The following BLTP1 variants were observed in gnomAD, a reference collection of about 807,000 sequenced individuals.
BLTP1 encodes bridge-like lipid transfer protein family member 1, also known as fragile site-associated protein.
chr4:122,246,627 T>G, the BLTP1 span: 1 of 1,571,982 alleles, frequency 6.4e-7, no homozygotes, highest in Non-Finnish European at 8.7e-7. Context: ...GTGCATATTT[T>G]ATGTTTAAGT....
the BLTP1 span, chr4:122,249,537 A>G: frequency 1.9e-6 from 3 of 1,613,742 alleles, no homozygotes; most frequent in Admixed American, 1.7e-5. Flanking sequence ...CCAAAGTTTT[A>G]TTTACTCTTG....
chr4:122,289,377 C>A, the BLTP1 span: 1 of 556,978 alleles, frequency 1.8e-6, no homozygotes, highest in Non-Finnish European at 2.3e-6. Flanking sequence ...TCATTTTTGT[C>A]ATGTATAATA....
chr4:122,192,134 C>T, the BLTP1 span: 1 of 1,403,218 alleles, frequency 7.1e-7, no homozygotes, highest in Non-Finnish European at 9.6e-7. Flanking sequence ...GTAAAGGTTT[C>T]CTGAGACCAA....
the BLTP1 span, chr4:122,272,426 A>C: frequency 6.3e-7 from 1 of 1,578,198 alleles, no homozygotes; most frequent in Non-Finnish European, 8.7e-7. Flanking sequence ...TTTTTCTAAT[A>C]AAGTGCTATG....
chr4:122,304,535 G>C, the BLTP1 span: 63 of 165,208 alleles, frequency 3.8e-4, 1 homozygote, highest in Non-Finnish European at 1.3e-4. Flanking sequence ...ATTAAGGCAT[G>C]TACAATGTTT....
chr4:122,177,543 G>A, the BLTP1 span, among the ~76,000 whole-genome samples: 3 of 152,042 alleles, frequency 2.0e-5, no homozygotes, highest in East Asian at 1.9e-4. Flanking sequence ...AGAATCCTAC[G>A]AACTTTCTAT....
the BLTP1 span, chr4:122,174,901 A>G: frequency 8.7e-6 from 3 of 346,308 alleles, no homozygotes; most frequent in African/African-American, 6.7e-5. Flanking sequence ...TGAGAAAGTG[A>G]ACCTTTAAAT....
chr4:122,338,395 A>G, the BLTP1 span, among the ~76,000 whole-genome samples: 8 of 152,056 alleles, frequency 5.3e-5, no homozygotes, highest in African/African-American at 1.7e-4. Flanking sequence ...ATGGCTTGAG[A>G]CTGGTAGGTT....
the BLTP1 span, among the ~76,000 whole-genome samples, chr4:122,230,722 T>G: frequency 6.6e-6 from 1 of 152,190 alleles, no homozygotes; most frequent in South Asian, 2.1e-4. Flanking sequence ...CACCTCTTAC[T>G]GAATCACTTC....
the BLTP1 span, among the ~76,000 whole-genome samples, chr4:122,297,553 C>G: frequency 4.6e-5 from 7 of 152,166 alleles, no homozygotes; most frequent in African/African-American, 1.2e-4. Context: ...AATCCCATTA[C>G]TGGGTATATA....
the BLTP1 span, chr4:122,209,350 A>G: frequency 7.5e-6 from 12 of 1,609,152 alleles, no homozygotes; most frequent in South Asian, 1.2e-4. Flanking sequence ...GAGTACGTAA[A>G]ATTAGTGACA....
At chr4:122,263,395 T>C in the BLTP1 span, 1 of 1,478,458 alleles carries the variant, frequency 6.8e-7, no homozygotes, top group Non-Finnish European at 8.9e-7. Context: ...ATTTTTTTGC[T>C]CCTTAGTATA....
the BLTP1 span, among the ~76,000 whole-genome samples, chr4:122,341,304 T>A: frequency 6.6e-6 from 1 of 152,224 alleles, no homozygotes; most frequent in Non-Finnish European, 1.5e-5. Context: ...CAGCTCACTG[T>A]ATTCTTCCCA....
At chr4:122,329,319 T>TATG in the BLTP1 span, among the ~76,000 whole-genome samples, 4 of 151,774 alleles carry the variant, frequency 2.6e-5, no homozygotes, top group African/African-American at 9.7e-5. Flanking sequence ...ATTCGGCATA[T>TATG]GCTGGTTATC....
the BLTP1 span, among the ~76,000 whole-genome samples, chr4:122,280,548 A>C: frequency 6.6e-6 from 1 of 151,950 alleles, no homozygotes; most frequent in South Asian, 2.1e-4. Flanking sequence ...CTGTAATCCC[A>C]ACTACTTGGG....
chr4:122,260,432 G>A, the BLTP1 span, among the ~76,000 whole-genome samples: 1 of 151,808 alleles, frequency 6.6e-6, no homozygotes, highest in Admixed American at 6.6e-5. Context: ...TAGAAAAAAT[G>A]GTTAAATGAT....
chr4:122,272,126 A>T, the BLTP1 span: 1 of 1,591,858 alleles, frequency 6.3e-7, no homozygotes, highest in Non-Finnish European at 8.6e-7. Context: ...CAGTCTTCGT[A>T]TCTAAAATTG....
At chr4:122,244,146 T>C in the BLTP1 span, 9 of 1,051,614 alleles carry the variant, frequency 8.6e-6, no homozygotes, top group East Asian at 2.9e-5. Flanking sequence ...ATATGTGATA[T>C]ATGTTCATAT....
At chr4:122,325,411 A>T in the BLTP1 span, 3 of 1,424,894 alleles carry the variant, frequency 2.1e-6, no homozygotes, top group Non-Finnish European at 1.9e-6. Context: ...CAAAATACTG[A>T]TTTCTTACTA....
Sources: allele counts gnomAD v4.1 joint callset (sites outside exome capture counted in the v4.1 genomes callset), GRCh38; gene constraint gnomAD v4.1.1; transcripts MANE v1.5; gene names NCBI Gene and HGNC (gene_info 2026-07-23, HGNC 2026-07-21).